JAZF1: variants seen among roughly 807,000 people sequenced by gnomAD.
JAZF1 encodes juxtaposed with another zinc finger protein 1.
In JAZF1, 8 loss-of-function variants were observed where a neutral mutation model predicts 26.4. The ratio of observed to expected loss-of-function variants is 0.30; its 90% CI spans 0.18 to 0.55. The LOEUF is 0.55. Ranked by LOEUF, JAZF1 falls within the 20% of genes least tolerant of loss-of-function variation. JAZF1 has a pLI of 0.94. For synonymous variants in JAZF1, 126 were observed against 122.3 expected (o/e 1.03, Z -0.20); for missense variants, 199 against 322.0 (o/e 0.62, Z 2.92).
intron 1 of JAZF1, among the ~76,000 whole-genome samples, chr7:28,075,559 A>G (rs974418126): frequency 6.6e-6 from 1 of 152,196 alleles, no homozygotes; most frequent in Admixed American, 6.5e-5. Context: ...CTATAAATGT[A>G]TATTGTAATT....
chr7:27,962,789 A>G (rs1382503588), intron 2 of JAZF1, among the ~76,000 whole-genome samples: 1 of 152,248 alleles, frequency 6.6e-6, no homozygotes, highest in Non-Finnish European at 1.5e-5. Context: ...CAGTTGTTTT[A>G]AAAACAGTAA....
At chr7:28,022,737 A>G (rs1783026670) in intron 1 of JAZF1, among the ~76,000 whole-genome samples, 1 of 31,420 alleles carries the variant, frequency 3.2e-5, no homozygotes, top group Admixed American at 1.5e-4. Flanking sequence ...TTTCTTTAAT[A>G]TTTCACTGTT....
chr7:27,862,489 A>C lies in JAZF1; in HGVS notation c.386-21622T>G, dbSNP rs556327810. Among the ~76,000 whole-genome samples, 28 of 146,988 alleles carry C rather than the reference A, an allele frequency of 1.9e-4. 1 individual carries two copies. The South Asian group carries it at 6.0e-3, about 31-fold the overall frequency. On this transcript the variant is annotated intron_variant, in intron 3 of 4. Coordinates refer to ENST00000283928, the MANE Select transcript of JAZF1 (RefSeq NM_175061.4). Reference sequence around the variant, plus strand: ...TCCACTTATTTCAAGCGTACTGCTCAAGGTTTTCCATATATTCACAGAGTA... The same window carrying C: ...TCCACTTATTTCAAGCGTACTGCTCCAGGTTTTCCATATATTCACAGAGTA...
At chr7:28,150,315 GC>G (rs1316565084) in intron 1 of JAZF1, among the ~76,000 whole-genome samples, 1 of 152,136 alleles carries the variant, frequency 6.6e-6, no homozygotes, top group Non-Finnish European at 1.5e-5. Flanking sequence ...GGCACAGATG[GC>G]CTGCAAAAGA....
At chr7:28,026,585 AC>A (rs1411316723) in intron 1 of JAZF1, among the ~76,000 whole-genome samples, 1 of 152,124 alleles carries the variant, frequency 6.6e-6, no homozygotes, top group Non-Finnish European at 1.5e-5. Context: ...AGAATGTGCT[AC>A]TCATAAGAAT....
intron 1 of JAZF1, among the ~76,000 whole-genome samples, chr7:28,015,029 GTGTA>G (rs1056266088): frequency 2.9e-4 from 34 of 116,312 alleles, no homozygotes; most frequent in African/African-American, 1.1e-3. Flanking sequence ...AGCAGAAAGT[GTGTA>G]TGTGTGTGTG....
chr7:28,177,312 C>T (rs1199902031), intron 1 of JAZF1, among the ~76,000 whole-genome samples: 1 of 152,100 alleles, frequency 6.6e-6, no homozygotes, highest in East Asian at 1.9e-4. Flanking sequence ...CTAAAGCCCC[C>T]AAATCCTTGT....
intron 1 of JAZF1, among the ~76,000 whole-genome samples, chr7:28,139,309 G>A (rs557453223): frequency 2.0e-5 from 3 of 152,324 alleles, no homozygotes; most frequent in African/African-American, 7.2e-5. Context: ...GTGCCATGAG[G>A]TGAACTGTGT....
At chr7:28,044,727 T>G (rs1203794378) in intron 1 of JAZF1, among the ~76,000 whole-genome samples, 1 of 152,196 alleles carries the variant, frequency 6.6e-6, no homozygotes, top group African/African-American at 2.4e-5. Flanking sequence ...TGTCATTTAC[T>G]GGTGATACTA....
At chr7:28,179,817 C>G (rs1783608969) in intron 1 of JAZF1, among the ~76,000 whole-genome samples, 1 of 147,558 alleles carries the variant, frequency 6.8e-6, no homozygotes, top group Non-Finnish European at 1.5e-5. Context: ...GGCCCCCTCC[C>G]GACGCACCAC....
At chr7:28,056,353 G>A (rs1039475499) in intron 1 of JAZF1, among the ~76,000 whole-genome samples, 2 of 151,862 alleles carry the variant, frequency 1.3e-5, no homozygotes, top group African/African-American at 2.4e-5. Flanking sequence ...GGGAGCGCAA[G>A]TCTTTACCAT....
At chr7:28,041,668 T>A (rs1016747468) in intron 1 of JAZF1, among the ~76,000 whole-genome samples, 2 of 152,168 alleles carry the variant, frequency 1.3e-5, no homozygotes, top group African/African-American at 2.4e-5. Context: ...ATACCAGAGT[T>A]AACAATCTTG....
At chr7:28,047,299 T>C (rs931659559) in intron 1 of JAZF1, among the ~76,000 whole-genome samples, 1 of 152,134 alleles carries the variant, frequency 6.6e-6, no homozygotes, top group African/African-American at 2.4e-5. Flanking sequence ...TTCTTAAAAA[T>C]AGTTCTTTGA....
At chr7:27,949,749 C>A (rs1255155270) in intron 2 of JAZF1, among the ~76,000 whole-genome samples, 1 of 152,160 alleles carries the variant, frequency 6.6e-6, no homozygotes, top group Non-Finnish European at 1.5e-5. Context: ...GGCAACGGAG[C>A]AAGACTAGCA....
chr7:28,102,320 T>C (rs766521088), intron 1 of JAZF1, among the ~76,000 whole-genome samples: 10 of 152,244 alleles, frequency 6.6e-5, no homozygotes, highest in Non-Finnish European at 1.3e-4. Flanking sequence ...CACAGGACTA[T>C]TGTGAGAATT....
intron 1 of JAZF1, among the ~76,000 whole-genome samples, chr7:28,162,738 T>G (rs985844240): frequency 3.3e-5 from 5 of 152,224 alleles, no homozygotes; most frequent in African/African-American, 1.2e-4. Context: ...AGGGGCTTCC[T>G]TGGGTGTATA....
chr7:27,929,545 T>C (rs1784652605), intron 2 of JAZF1, among the ~76,000 whole-genome samples: 1 of 152,228 alleles, frequency 6.6e-6, no homozygotes. Context: ...CTTTAGCTTA[T>C]TGACTGTAAG....
intron 1 of JAZF1, among the ~76,000 whole-genome samples, chr7:28,047,575 T>C (rs550099534): frequency 6.6e-6 from 1 of 152,256 alleles, no homozygotes; most frequent in Non-Finnish European, 1.5e-5. Context: ...TGTGATGCAA[T>C]TGTGAAAGGT....
chr7:28,115,114 G>A (rs1784721817), intron 1 of JAZF1, among the ~76,000 whole-genome samples: 1 of 152,194 alleles, frequency 6.6e-6, no homozygotes, highest in Non-Finnish European at 1.5e-5. Flanking sequence ...TTGTTTTTAA[G>A]TAATTCTGGC....
Sources: allele counts gnomAD v4.1 joint callset (sites outside exome capture counted in the v4.1 genomes callset), GRCh38; gene constraint gnomAD v4.1.1; transcripts MANE v1.5; gene names NCBI Gene and HGNC (gene_info 2026-07-23, HGNC 2026-07-21).